Variants in DDAH1 observed in about 807,000 individuals in gnomAD.
DDAH1 encodes the protein dimethylarginine dimethylaminohydrolase 1.
In DDAH1, 19 loss-of-function variants were observed where a neutral mutation model predicts 28.8. The ratio of observed to expected loss-of-function variants is 0.66; its 90% CI spans 0.46 to 0.97. The LOEUF is 0.97. Among genes scored for constraint, DDAH1 ranks in the 50% least tolerant of loss-of-function variants. The pLI is 0.00. For synonymous variants in DDAH1, 153 were observed against 154.4 expected (o/e 0.99, Z 0.07); for missense variants, 326 against 375.9 (o/e 0.87, Z 1.10).
intron 2 of DDAH1, among the ~76,000 whole-genome samples, chr1:85,472,212 C>G (rs994315335): frequency 6.0e-4 from 92 of 152,284 alleles, no homozygotes; most frequent in African/African-American, 2.1e-3. Flanking sequence ...GGTCATGTCC[C>G]ATCCCCAGAA....
intron 1 of DDAH1, among the ~76,000 whole-genome samples, chr1:85,456,233 G>A (rs1056136198): frequency 6.6e-6 from 1 of 152,222 alleles, no homozygotes; most frequent in Non-Finnish European, 1.5e-5. Flanking sequence ...CATAATTATA[G>A]ATGCATTCTC....
At chr1:85,422,795 G>T (rs966790603) in intron 1 of DDAH1, among the ~76,000 whole-genome samples, 3 of 152,146 alleles carry the variant, frequency 2.0e-5, no homozygotes, top group African/African-American at 7.2e-5. Flanking sequence ...GGGCCCTCAT[G>T]ACGAGATTAG....
At chr1:85,440,595 A>C (rs1417341255) in intron 1 of DDAH1, among the ~76,000 whole-genome samples, 12 of 152,236 alleles carry the variant, frequency 7.9e-5, no homozygotes, top group Admixed American at 7.9e-4. Context: ...AATGTTATGT[A>C]AAATTACTCA....
chr1:85,572,854 G>T (rs1005488963), intron 1 of DDAH1, among the ~76,000 whole-genome samples: 2 of 152,240 alleles, frequency 1.3e-5, no homozygotes, highest in Admixed American at 6.5e-5. Flanking sequence ...AAGCCCATTT[G>T]AGTGGTTTTT....
chr1:85,371,225 T>C (rs534609331), intron 1 of DDAH1, among the ~76,000 whole-genome samples: 7 of 152,282 alleles, frequency 4.6e-5, no homozygotes, highest in African/African-American at 1.7e-4. Flanking sequence ...AATAAATGGA[T>C]TGTAATGAAC....
intron 4 of DDAH1, among the ~76,000 whole-genome samples, chr1:85,333,383 A>G (rs904633429): frequency 3.9e-5 from 6 of 152,348 alleles, no homozygotes; most frequent in East Asian, 3.9e-4. Context: ...GTTACACCAG[A>G]TGCACAGATA....
intron 1 of DDAH1, among the ~76,000 whole-genome samples, chr1:85,401,083 A>C (rs549344866): frequency 1.3e-5 from 2 of 152,324 alleles, no homozygotes; most frequent in Non-Finnish European, 2.9e-5. Flanking sequence ...CATTGGGCTA[A>C]AGAGTGAACA....
chr1:85,383,653 C>A (rs1651108642), intron 1 of DDAH1, among the ~76,000 whole-genome samples: 1 of 152,132 alleles, frequency 6.6e-6, no homozygotes, highest in Non-Finnish European at 1.5e-5. Flanking sequence ...AAGGAAGAGT[C>A]AATCAACACA....
At chr1:85,481,102 T>G (rs1461129812) in intron 2 of DDAH1, among the ~76,000 whole-genome samples, 1 of 141,520 alleles carries the variant, frequency 7.1e-6, no homozygotes, top group African/African-American at 2.8e-5. Context: ...TTTTTTGTTT[T>G]TTTTTTTTTT....
chr1:85,346,262 T>A (rs1048814137), intron 4 of DDAH1, among the ~76,000 whole-genome samples: 3 of 152,140 alleles, frequency 2.0e-5, no homozygotes, highest in African/African-American at 7.2e-5. Context: ...TTTAAAGAGA[T>A]GCCCAAGTGA....
intron 4 of DDAH1, 150 bp downstream of exon 4, chr1:85,350,265 A>G: frequency 9.8e-6 from 9 of 914,320 alleles, no homozygotes; most frequent in Non-Finnish European, 1.4e-5. Context: ...AATGAATGTG[A>G]GGTCACAACA....
At chr1:85,483,793 A>T (rs949654567) in intron 2 of DDAH1, among the ~76,000 whole-genome samples, 1 of 152,150 alleles carries the variant, frequency 6.6e-6, no homozygotes, top group African/African-American at 2.4e-5. Flanking sequence ...CCTGTGAAAG[A>T]TGCATCTTCT....
At chr1:85,564,208 G>T (rs148897578) in intron 1 of DDAH1, among the ~76,000 whole-genome samples, 5 of 137,688 alleles carry the variant, frequency 3.6e-5, no homozygotes, top group Non-Finnish European at 8.3e-5. Context: ...AAACTACAAT[G>T]TCTGAGATAA....
chr1:85,564,920 G>A (rs1283127766), intron 1 of DDAH1, among the ~76,000 whole-genome samples: 1 of 151,640 alleles, frequency 6.6e-6, no homozygotes, highest in Non-Finnish European at 1.5e-5. Context: ...ATCGTGGCCA[G>A]GCGCAGTGGC....
At chr1:85,350,373 G>C in intron 4 of DDAH1, 42 bp downstream of exon 4, 1 of 1,595,446 alleles carries the variant, frequency 6.3e-7, no homozygotes, top group Non-Finnish European at 8.5e-7. Flanking sequence ...CCTGTGGCAG[G>C]CACCCCCACT....
chr1:85,508,072 T>C (rs1657086660), intron 1 of DDAH1, among the ~76,000 whole-genome samples: 1 of 152,206 alleles, frequency 6.6e-6, no homozygotes, highest in African/African-American at 2.4e-5. Context: ...CTAAGGTCAA[T>C]CACTTGGTTA....
At chr1:85,377,365 A>G (rs915502674) in intron 1 of DDAH1, among the ~76,000 whole-genome samples, 4 of 152,128 alleles carry the variant, frequency 2.6e-5, no homozygotes, top group African/African-American at 9.7e-5. Flanking sequence ...TCTAGACTCC[A>G]AGCATAAATT....
chr1:85,427,936 C>G, intron 1 of DDAH1, among the ~76,000 whole-genome samples: 1 of 152,152 alleles, frequency 6.6e-6, no homozygotes, highest in Non-Finnish European at 1.5e-5. Context: ...TGGCTGAACA[C>G]AGGTGAGAGA....
At chr1:85,330,857 C>G (rs1041059828) in intron 4 of DDAH1, among the ~76,000 whole-genome samples, 2 of 152,156 alleles carry the variant, frequency 1.3e-5, no homozygotes, top group Non-Finnish European at 2.9e-5. Flanking sequence ...GAAAGAGATG[C>G]CTTCAGGAGA....
Sources: gnomAD v4.1 joint callset for allele counts (sites outside exome capture counted in the v4.1 genomes callset) on GRCh38, gnomAD v4.1.1 for gene constraint, MANE v1.5 for transcripts, NCBI Gene and HGNC (gene_info 2026-07-23, HGNC 2026-07-21) for gene names.